PNPO: variants seen among roughly 807,000 people sequenced by gnomAD.
PNPO encodes pyridoxamine 5'-phosphate oxidase.
Under a neutral mutation model 35.0 loss-of-function variants are expected in PNPO, and 39 were observed. That is an observed-to-expected ratio of 1.11 (90% CI 0.86 to 1.45). PNPO has a LOEUF of 1.45. Ranked by LOEUF, PNPO falls within the 40% of genes most tolerant of loss-of-function variation. The pLI is 0.00. For missense variants in PNPO, 288 were observed against 340.0 expected, an observed-to-expected ratio of 0.85 and a Z score of 1.20; for synonymous variants, 115 against 119.8, an observed-to-expected ratio of 0.96 and a Z score of 0.26.
At position 47,947,462 on chromosome 17, in the gene PNPO, T is replaced by G. The variant is rs1342221974; in HGVS notation, c.*680T>G. 6.6e-6 allele frequency: 1 copy of G among 151,780 alleles called. No individual in the cohort carries two copies. Among genetic ancestry groups the G allele is most frequent in the East Asian group, 1.9e-4 (1 of 5,188 alleles). The allele number at this position is 151,780 out of a possible 1,614,324, so 9.4% of individuals were successfully genotyped here. ...TTTACTTAATCTAGCTAGAATCTAT[T>G]TCTGTTGATTACAACTTAACTAACT... is the stretch of plus-strand genomic sequence containing the variant. On this transcript the variant is annotated 3_prime_UTR_variant, in exon 7 of 7. Transcript: ENST00000642017.
Position 47,941,805 on chromosome 17 carries a change from G to C in PNPO, c.130G>C (p.Asp44His), listed in dbSNP as rs866218000. The C allele has an allele frequency of 3.2e-6, 5 of 1,567,562 alleles. No homozygotes were observed. Among genetic ancestry groups the C allele is most frequent in the Non-Finnish European group, 4.3e-6 (5 of 1,155,488 alleles). The stretch of plus-strand genomic sequence containing the variant: ...ACCCATGCGCAAGAGTTACCGCGGG[G>C]ACCGAGAGGTGCCGCCGCTAGGGCC... ...LGPMRKSYRGDREAFEETHLT... is the reference protein window; with the variant it reads ...LGPMRKSYRGHREAFEETHLT... Residue 44 changes from aspartate to histidine, a missense_variant, in exon 1 of 7, where the codon GAC (aspartate) becomes CAC (histidine). By Grantham distance (81) the Asp-to-His change is moderately conservative. Coordinates refer to ENST00000642017, the MANE Select transcript of PNPO (RefSeq NM_018129.4).
chr17:47,942,628 G>A (rs1251557129), intron 1 of PNPO, among the ~76,000 whole-genome samples: 3 of 152,192 alleles, frequency 2.0e-5, no homozygotes, highest in East Asian at 3.8e-4. Flanking sequence ...CCTCAGGAGG[G>A]GAACCAAGAG....
In PNPO at chr17:47,943,393, G is replaced by C. The variant is rs370329917; in HGVS notation, c.226G>C (p.Gly76Arg). The C allele has an allele frequency of 1.2e-6, 2 of 1,613,982 alleles. No individual in the cohort carries two copies. Among genetic ancestry groups the C allele is most frequent in the Non-Finnish European group, 1.7e-6 (2 of 1,179,890 alleles). ...GGAGGCTGTTCAGTGTCCTGACATA[G>C]GGGAAGCCAATGCCATGTGTCTGGC... ...FEEAVQCPDI[G>R]EANAMCLATC... Residue 76 changes from glycine to arginine, a missense_variant, in exon 2 of 7, where the codon GGG becomes CGG. Transcript: ENST00000642017.
chr17:47,943,323 T>G lies in PNPO; in HGVS notation c.156T>G (p.His52Gln), dbSNP rs764734750. The change falls in exon 2 of 7, where the codon CAT (histidine) becomes CAG (glutamine). Residue 52 changes from histidine (H) to glutamine (Q), a missense_variant. Physicochemically the swap from His to Gln is conservative, Grantham distance 24. Coordinates refer to ENST00000642017, the MANE Select transcript of PNPO (RefSeq NM_018129.4). ...TTTCCTAGGCATTTGAGGAGACTCA[T>G]CTGACCTCCCTTGACCCAGTGAAAC... ...RGDREAFEET[H>Q]LTSLDPVKQF... 2 of 1,613,878 alleles carry G rather than the reference T, an allele frequency of 1.2e-6. No individual in the cohort carries two copies. The highest frequency in any genetic ancestry group is 1.7e-6 in the Non-Finnish European group (2 of 1,179,792).
chr17:47,944,073 G>A (rs187475822), intron 2 of PNPO, among the ~76,000 whole-genome samples: 51 of 152,326 alleles, frequency 3.3e-4, no homozygotes, highest in African/African-American at 1.1e-3. Flanking sequence ...AACAACAGGA[G>A]TTTATTTCCT....
At chr17:47,942,238 T>C in intron 1 of PNPO, 1 of 160,950 alleles carries the variant, frequency 6.2e-6, no homozygotes, top group Non-Finnish European at 1.3e-5. Flanking sequence ...GTCCCACAGC[T>C]AGTGATGAAT....
rs1255577939 is a variant in PNPO at position 47,947,944 on chromosome 17, G to A, written c.*1162G>A. 2.0e-5 allele frequency: 3 copies of A among 152,178 alleles called. No individual in the cohort carries two copies. The highest frequency in any genetic ancestry group is 7.2e-5 in the African/African-American group (3 of 41,424). The allele number at this position is 152,178 out of a possible 1,614,324, so 9.4% of individuals were successfully genotyped here. On this transcript the variant is annotated 3_prime_UTR_variant, in exon 7 of 7. Coordinates refer to ENST00000642017, the MANE Select transcript of PNPO (RefSeq NM_018129.4). ...GACATGAGCCACCACGCTTGGCCGG[G>A]ATAGTATATTTTTATAGCACTTCCC...
intron 1 of PNPO, 123 bp from the exon 2 acceptor site, chr17:47,943,183 C>A (rs2144160125): frequency 1.3e-6 from 1 of 741,102 alleles, no homozygotes; most frequent in Middle Eastern, 3.8e-4. Context: ...CATACTATTT[C>A]TTATTTTAAG....
chr17:47,946,110 A>G, intron 5 of PNPO, 121 bp downstream of exon 5: 1 of 1,353,252 alleles, frequency 7.4e-7, no homozygotes, highest in Middle Eastern at 2.3e-4. Flanking sequence ...AGCCCAGTGA[A>G]AACAGTGAAA....
At chr17:47,942,968 C>T (rs1243225416) in intron 1 of PNPO, among the ~76,000 whole-genome samples, 1 of 152,122 alleles carries the variant, frequency 6.6e-6, no homozygotes, top group Admixed American at 6.5e-5. Context: ...TTTGATGAAG[C>T]CTCAGACCTG....
At chr17:47,943,003 A>G (rs1334495404) in intron 1 of PNPO, among the ~76,000 whole-genome samples, 1 of 152,188 alleles carries the variant, frequency 6.6e-6, no homozygotes, top group Non-Finnish European at 1.5e-5. Flanking sequence ...TTGGGGGTGG[A>G]GCCCAGAAAG....
Sources: gnomAD v4.1 joint callset for allele counts (sites outside exome capture counted in the v4.1 genomes callset) on GRCh38, gnomAD v4.1.1 for gene constraint, MANE v1.5 for transcripts, NCBI Gene and HGNC (gene_info 2026-07-23, HGNC 2026-07-21) for gene names.